The following HDHD2 variants were observed in gnomAD, a reference collection of about 807,000 sequenced individuals.
HDHD2 encodes the protein haloacid dehalogenase-like hydrolase domain-containing protein 2.
A neutral mutation model predicts 24.8 loss-of-function variants in HDHD2; 26 were observed. That is an observed-to-expected ratio of 1.05 (90% CI 0.77 to 1.45). The LOEUF (loss-of-function observed/expected upper bound fraction) is 1.45. HDHD2 is among the 40% of genes most tolerant of loss of function. The probability of loss-of-function intolerance (pLI) is 0.00; values close to 1 mark genes in which losing one functional copy is unlikely to be tolerated. For missense variants in HDHD2, 299 were observed against 313.4 expected (o/e 0.95, Z 0.35); for synonymous variants, 128 against 114.9 (o/e 1.11, Z -0.73).
intron 5 of HDHD2, among the ~76,000 whole-genome samples, chr18:47,114,360 T>G (rs533039083): frequency 6.6e-6 from 1 of 152,348 alleles, no homozygotes; most frequent in South Asian, 2.1e-4. Context: ...GGCTTGGTGA[T>G]TCACCTCTTT....
intron 6 of HDHD2, chr18:47,111,017 C>T (rs1315779847): frequency 2.0e-6 from 2 of 984,986 alleles, no homozygotes; most frequent in Non-Finnish European, 2.4e-6. Context: ...GGAAGCCTAG[C>T]ACTTGTCCAC....
intron 1 of HDHD2, among the ~76,000 whole-genome samples, chr18:47,143,401 C>T (rs1012771764): frequency 1.1e-4 from 16 of 152,162 alleles, no homozygotes; most frequent in African/African-American, 3.9e-4. Flanking sequence ...ACCATGCAGT[C>T]AGGGCAACAC....
intron 1 of HDHD2, among the ~76,000 whole-genome samples, chr18:47,149,330 C>T (rs1289783496): frequency 6.6e-6 from 1 of 152,136 alleles, no homozygotes; most frequent in Non-Finnish European, 1.5e-5. Context: ...CAAAACATGC[C>T]TCCTAAAACC....
intron 3 of HDHD2, among the ~76,000 whole-genome samples, chr18:47,133,874 T>C (rs189581945): frequency 3.7e-4 from 56 of 152,336 alleles, no homozygotes; most frequent in East Asian, 3.5e-3. Flanking sequence ...TTCTGGATAT[T>C]AGCCTTTTGT....
At chr18:47,140,188 G>C (rs1015821195) in intron 1 of HDHD2, among the ~76,000 whole-genome samples, 2 of 152,114 alleles carry the variant, frequency 1.3e-5, no homozygotes, top group African/African-American at 2.4e-5. Context: ...ATTCAGCCAC[G>C]TTGGTGCCTT....
intron 1 of HDHD2, chr18:47,137,347 C>T (rs990348536): frequency 2.6e-5 from 9 of 346,244 alleles, no homozygotes; most frequent in Non-Finnish European, 4.4e-5. Flanking sequence ...TTCTTACAGA[C>T]CAAGCTTACA....
intron 3 of HDHD2, among the ~76,000 whole-genome samples, chr18:47,132,797 T>C (rs927922915): frequency 6.6e-6 from 1 of 152,218 alleles, no homozygotes; most frequent in African/African-American, 2.4e-5. Flanking sequence ...TCAGAATCGG[T>C]TGACTTTTCC....
At chr18:47,110,255 CT>C (rs749623273) in intron 6 of HDHD2, 4 of 985,394 alleles carry the variant, frequency 4.1e-6, no homozygotes, top group Non-Finnish European at 4.8e-6. Flanking sequence ...TCTTATCTTA[CT>C]GATTATAACT....
Position 47,115,195 on chromosome 18 carries a change from C to T in HDHD2, c.549G>A (p.Thr183=), listed in dbSNP as rs201173300. The change falls in exon 5 of 7, where the codon ACG becomes ACA. Residue 183 remains threonine (T), a synonymous_variant. Transcript: ENST00000300605. ...KATVVGKPEK[T]FFLEALRGTG... is the part of the protein sequence containing the mutation. The stretch of plus-strand genomic sequence containing the variant: ...TGCCCCGCAATGCTTCCAAAAAGAA[C>T]GTCTTCTCTGGTTTCCCCACGACTG... 5.1e-5 allele frequency: 82 copies of T among 1,613,848 alleles called. No individual in the cohort carries two copies. The highest frequency in any genetic ancestry group is 4.9e-4 in the Middle Eastern group (3 of 6,080).
intron 5 of HDHD2, 104 bp from the exon 6 acceptor site, chr18:47,113,144 T>C (rs999289134): frequency 2.3e-6 from 2 of 860,280 alleles, no homozygotes; most frequent in Non-Finnish European, 3.9e-6. Context: ...TGTAATGCCA[T>C]GTTTTTTATT....
At chr18:47,134,824 C>G in intron 2 of HDHD2, 120 bp from the exon 3 acceptor site, 1 of 713,978 alleles carries the variant, frequency 1.4e-6, no homozygotes, top group Non-Finnish European at 2.4e-6. Flanking sequence ...CAATGTGTAG[C>G]CTCTTGCCCC....
intron 4 of HDHD2, among the ~76,000 whole-genome samples, chr18:47,126,236 G>C (rs2063656880): frequency 6.6e-6 from 1 of 152,174 alleles, no homozygotes; most frequent in Non-Finnish European, 1.5e-5. Flanking sequence ...CTGCTACACT[G>C]TTCTGGGATT....
chr18:47,146,172 T>C (rs1272717857), intron 1 of HDHD2, among the ~76,000 whole-genome samples: 2 of 134,656 alleles, frequency 1.5e-5, no homozygotes, highest in Non-Finnish European at 3.1e-5. Context: ...GAGGTTGCAG[T>C]GAGGCCGAGA....
chr18:47,120,135 G>A (rs2063592138), intron 4 of HDHD2, among the ~76,000 whole-genome samples: 1 of 152,198 alleles, frequency 6.6e-6, no homozygotes, highest in Non-Finnish European at 1.5e-5. Context: ...AAGATAGACT[G>A]CCCGTCCTTT....
At chr18:47,135,195 T>A (rs906292280) in intron 2 of HDHD2, among the ~76,000 whole-genome samples, 1 of 151,838 alleles carries the variant, frequency 6.6e-6, no homozygotes, top group Non-Finnish European at 1.5e-5. Context: ...TGAAAGAAAG[T>A]GAGGTTTGTG....
At chr18:47,126,060 A>G (rs1416134544) in intron 4 of HDHD2, among the ~76,000 whole-genome samples, 1 of 152,218 alleles carries the variant, frequency 6.6e-6, no homozygotes, top group Non-Finnish European at 1.5e-5. Flanking sequence ...CTTCTCCTAC[A>G]TACACTAATG....
intron 4 of HDHD2, 87 bp from the exon 5 acceptor site, chr18:47,115,435 G>A: frequency 1.2e-6 from 1 of 842,956 alleles, no homozygotes; most frequent in South Asian, 1.6e-5. Context: ...CAAAGTGGCT[G>A]TATTCACACC....
chr18:47,135,211 C>G (rs1000538213), intron 2 of HDHD2, among the ~76,000 whole-genome samples: 1 of 150,526 alleles, frequency 6.6e-6, no homozygotes, highest in Non-Finnish European at 1.5e-5. Flanking sequence ...TTGTGTCAAT[C>G]TTTTGCCCTA....
rs112979949 is a variant in HDHD2 at position 47,120,318 on chromosome 18, A to G, written c.396-4970T>C. On this transcript the variant is annotated intron_variant, in intron 4 of 6. Transcript: ENST00000300605. ...GATAACATGCTGTAGCTTCTACATC[A>G]GCACTTGCTGCTTCATCTTGCACTT... Among the ~76,000 whole-genome samples, 8 of 152,374 alleles carry G rather than the reference A, an allele frequency of 5.3e-5. 1 individual carries two copies. Among genetic ancestry groups the G allele is most frequent in the African/African-American group, 1.9e-4 (8 of 41,598 alleles).
Sources: gnomAD v4.1 joint callset for allele counts (sites outside exome capture counted in the v4.1 genomes callset) on GRCh38, gnomAD v4.1.1 for gene constraint, MANE v1.5 for transcripts, NCBI Gene and HGNC (gene_info 2026-07-23, HGNC 2026-07-21) for gene names.